RAD17: variants seen among roughly 807,000 people sequenced by gnomAD.
RAD17 encodes the protein cell cycle checkpoint protein RAD17.
A neutral mutation model predicts 81.5 loss-of-function variants in RAD17; 31 were observed. That is an observed-to-expected ratio of 0.38 (90% CI 0.29 to 0.51). RAD17 has a LOEUF of 0.51. RAD17 is among the 20% of genes least tolerant of loss of function. RAD17 has a pLI of 0.88. For synonymous variants in RAD17, 261 were observed against 266.2 expected, an observed-to-expected ratio of 0.98 and a Z score of 0.19; for missense variants, 681 against 781.2, an observed-to-expected ratio of 0.87 and a Z score of 1.53.
At position 69,374,105 on chromosome 5, in the gene RAD17, G is replaced by C; in HGVS notation, c.267+18G>C. On this transcript the variant is annotated intron_variant, in intron 5 of 18. Transcript: ENST00000354868. ...AAACTCAGGTACTGAAAAGCATGCA[G>C]ACATATCTACATAATTTAATTTCAG... 2.5e-6 allele frequency: 4 copies of C among 1,588,454 alleles called. No individual in the cohort carries two copies. Among genetic ancestry groups the C allele is most frequent in the Non-Finnish European group, 3.4e-6 (4 of 1,166,918 alleles).
At chr5:69,397,853 C>T (rs1041073482) in intron 16 of RAD17, among the ~76,000 whole-genome samples, 1 of 152,166 alleles carries the variant, frequency 6.6e-6, no homozygotes, top group African/African-American at 2.4e-5. Context: ...CATGGTGGCT[C>T]ACGCCTGTAA....
intron 18 of RAD17, among the ~76,000 whole-genome samples, chr5:69,410,963 G>GTATATATATATATA (rs1245435076): frequency 2.5e-4 from 1 of 3,982 alleles, no homozygotes; most frequent in African/African-American, 5.7e-4. Context: ...ATAGATGTCT[G>GTATATATATATATA]TCTATATATA....
intron 4 of RAD17, among the ~76,000 whole-genome samples, chr5:69,372,482 A>G (rs1039025402): frequency 6.6e-6 from 1 of 152,196 alleles, no homozygotes; most frequent in Non-Finnish European, 1.5e-5. Context: ...TTTGTTAGCC[A>G]GGCAGTAGAT....
At chr5:69,404,258 A>T (rs1765448043) in intron 17 of RAD17, among the ~76,000 whole-genome samples, 1 of 152,230 alleles carries the variant, frequency 6.6e-6, no homozygotes, top group Admixed American at 6.5e-5. Flanking sequence ...ATAGGATTAC[A>T]TCAAAACTGA....
chr5:69,394,249 G>A (rs1356456601), intron 15 of RAD17, among the ~76,000 whole-genome samples: 1 of 150,138 alleles, frequency 6.7e-6, no homozygotes, highest in African/African-American at 2.5e-5. Flanking sequence ...TTGTTTTAGA[G>A]ACAGGGTTCA....
Position 69,378,924 on chromosome 5 carries a change from A to T in RAD17, c.352-2977A>T, listed in dbSNP as rs76757632. ...GTGGGAACTATATGTGTAAATAAAC[A>T]TACCTAAAGCATACCATTAAAAAGT... On this transcript the variant is annotated intron_variant, in intron 6 of 18. Coordinates refer to ENST00000354868, the MANE Select transcript of RAD17 (RefSeq NM_133338.3). Among the ~76,000 whole-genome samples, 401 of 152,294 alleles carry T rather than the reference A, an allele frequency of 2.6e-3. 1 individual carries two copies. Among genetic ancestry groups the T allele is most frequent in the African/African-American group, 9.4e-3 (392 of 41,542 alleles).
upstream of RAD17, chr5:69,369,427 G>A (rs766334114): frequency 3.1e-6 from 5 of 1,605,786 alleles, no homozygotes; most frequent in African/African-American, 1.3e-5. Flanking sequence ...CCCCCAGCCT[G>A]CCCCAGCCCA....
rs986526349 is a variant in RAD17 at position 69,387,935 on chromosome 5, A to T, written c.895-1099A>T. 2.0e-5 allele frequency among the ~76,000 whole-genome samples: 3 copies of T among 152,222 alleles called. No homozygotes were observed. The South Asian group carries it at 6.2e-4, about 32-fold the overall frequency. ...CAGCTACTCAGAAGCCTGAGACAGG[A>T]TGATCGCTGGAGCCTAGGAGTTTGA... On this transcript the variant is annotated intron_variant, in intron 11 of 18. Transcript: ENST00000354868.
At chr5:69,391,779 T>A in intron 12 of RAD17, 52 bp from the exon 13 acceptor site, 7 of 1,293,198 alleles carry the variant, frequency 5.4e-6, no homozygotes, top group Non-Finnish European at 7.2e-6. Flanking sequence ...GTTCTTAGTT[T>A]TAATTTTCAT....
At chr5:69,411,615 T>C (rs1766007208) in intron 18 of RAD17, among the ~76,000 whole-genome samples, 2 of 152,164 alleles carry the variant, frequency 1.3e-5, no homozygotes, top group Admixed American at 6.6e-5. Flanking sequence ...GTATACTGGC[T>C]TAGCTATGTG....
intron 11 of RAD17, among the ~76,000 whole-genome samples, chr5:69,387,099 A>AT (rs1764261210): frequency 6.6e-6 from 1 of 150,426 alleles, no homozygotes; most frequent in South Asian, 2.1e-4. Context: ...TAATTTTTTA[A>AT]TTTTTTTTAG....
At chr5:69,379,553 GATA>G (rs1190276532) in intron 6 of RAD17, among the ~76,000 whole-genome samples, 5 of 152,108 alleles carry the variant, frequency 3.3e-5, no homozygotes, top group African/African-American at 4.8e-5. Flanking sequence ...TAGATTCTTT[GATA>G]ATAACACTTA....
intron 5 of RAD17, among the ~76,000 whole-genome samples, chr5:69,374,427 A>G (rs1283211798): frequency 1.3e-5 from 2 of 152,216 alleles, no homozygotes; most frequent in African/African-American, 4.8e-5. Context: ...CAAAATTATC[A>G]TACAGAGGTA....
Position 69,377,597 on chromosome 5 carries a change from GCA to G in RAD17, c.351+2887_351+2888del, listed in dbSNP as rs1491204868. Among the ~76,000 whole-genome samples the G allele has an allele frequency of 3.0e-4, 9 of 30,338 alleles. 3 individuals carry two copies. Among genetic ancestry groups the G allele is most frequent in the African/African-American group, 7.6e-4 (9 of 11,818 alleles). 19.9% of individuals were successfully genotyped at this position (30,338 alleles called of 152,430 possible). On this transcript the variant is annotated intron_variant, in intron 6 of 18. Coordinates refer to ENST00000354868, the MANE Select transcript of RAD17 (RefSeq NM_133338.3). ...CATATATATGTATACATATATATAT[GCA>G]TATATATATGTATACATATATATGC...
Position 69,386,304 on chromosome 5 carries a change from AG to A in RAD17, c.824+1del. The part of the protein sequence containing the change: ...IQEECSISNI[S>X]FNPVAPTIMM... Reference sequence around the variant, plus strand: ...GGAAGAGTGTTCTATCTCAAATATTAGGTAAGAAAGAAATTTCTGCTTATAA... The same window carrying A: ...GGAAGAGTGTTCTATCTCAAATATTAGTAAGAAAGAAATTTCTGCTTATAA... On this transcript the variant is annotated frameshift_variant and splice_region_variant, in exon 10 of 19. Coordinates refer to ENST00000354868, the MANE Select transcript of RAD17 (RefSeq NM_133338.3). LOFTEE classifies it high-confidence loss of function. 1 of 1,591,796 alleles carries A rather than the reference AG, an allele frequency of 6.3e-7. No homozygotes were observed. Among genetic ancestry groups the A allele is most frequent in the Non-Finnish European group, 8.5e-7 (1 of 1,170,344 alleles).
rs750758691 is a variant in RAD17, at chr5:69,374,663, A to C, written c.303A>C (p.Glu101Asp). The C allele has an allele frequency of 6.2e-7, 1 of 1,611,532 alleles. No individual in the cohort carries two copies. ...ELAVHKKKIE[E>D]VETWLKAQVL... ...CTGTGCATAAAAAGAAAATTGAAGAAGTCGAAACCTGGTTAAAAGCTCAAG... is the reference window on the plus strand; with the variant it reads ...CTGTGCATAAAAAGAAAATTGAAGACGTCGAAACCTGGTTAAAAGCTCAAG... The change falls in exon 6 of 19, where the codon GAA becomes GAC. Residue 101 changes from glutamate to aspartate, a missense_variant. Physicochemically the swap from Glu to Asp is conservative, Grantham distance 45. Transcript: ENST00000354868.
At chr5:69,397,486 A>G (rs1764967166) in intron 16 of RAD17, among the ~76,000 whole-genome samples, 1 of 152,090 alleles carries the variant, frequency 6.6e-6, no homozygotes, top group Non-Finnish European at 1.5e-5. Flanking sequence ...CTTTAGGGCC[A>G]GGCATGGTGG....
rs377737971 is a variant in RAD17 at position 69,396,548 on chromosome 5, T to TAAAA, written c.1572+16_1572+19dup. On this transcript the variant is annotated splice_region_variant and intron_variant, in intron 16 of 18. Coordinates refer to ENST00000354868, the MANE Select transcript of RAD17 (RefSeq NM_133338.3). ...CAGTGGTTTCTAATAAATAAAAAGG[T>TAAAA]AAAAAAAAAAAAAAAAATTCTGTAC... The TAAAA allele has an allele frequency of 1.3e-4, 181 of 1,341,974 alleles. No individual in the cohort carries two copies. Among genetic ancestry groups the TAAAA allele is most frequent in the South Asian group, 2.5e-4 (15 of 59,988 alleles). The allele number at this position is 1,341,974 out of a possible 1,614,324, so 83.1% of individuals were successfully genotyped here.
chr5:69,393,288 T>C, intron 14 of RAD17, 48 bp downstream of exon 14: 1 of 1,564,738 alleles, frequency 6.4e-7, no homozygotes, highest in Non-Finnish European at 8.8e-7. Context: ...GATATATTAT[T>C]CGTGTGCATA....
Sources: gnomAD v4.1 joint callset for allele counts (sites outside exome capture counted in the v4.1 genomes callset) on GRCh38, gnomAD v4.1.1 for gene constraint, MANE v1.5 for transcripts, NCBI Gene and HGNC (gene_info 2026-07-23, HGNC 2026-07-21) for gene names.